The following TRIM62 variants were observed in gnomAD, a reference collection of about 807,000 sequenced individuals.
The protein encoded by TRIM62 is tripartite motif containing 62.
A neutral mutation model predicts 44.2 loss-of-function variants in TRIM62; 39 were observed. That is an observed-to-expected ratio of 0.88 (90% CI 0.68 to 1.15). The LOEUF (loss-of-function observed/expected upper bound fraction) is 1.15, where lower values mean the gene tolerates loss of function less well. Ranked by LOEUF, TRIM62 falls within the 50% of genes most tolerant of loss-of-function variation. The pLI is 0.00. For missense variants in TRIM62, 544 were observed against 665.5 expected, an observed-to-expected ratio of 0.82 and a Z score of 2.01; for synonymous variants, 278 against 292.3, an observed-to-expected ratio of 0.95 and a Z score of 0.50.
At chr1:33,175,034 T>C (rs1258576202) in intron 1 of TRIM62, among the ~76,000 whole-genome samples, 1 of 151,008 alleles carries the variant, frequency 6.6e-6, no homozygotes, top group Non-Finnish European at 1.5e-5. Flanking sequence ...TATATGTTTA[T>C]GTATATGTAT....
chr1:33,170,669 C>T (rs962796520), intron 1 of TRIM62, among the ~76,000 whole-genome samples: 4 of 152,088 alleles, frequency 2.6e-5, no homozygotes, highest in African/African-American at 7.2e-5. Context: ...AAAACCAAAC[C>T]CTAGAGTCCA....
At chr1:33,163,031 T>G (rs575950051) in intron 2 of TRIM62, 1 of 152,228 alleles carries the variant, frequency 6.6e-6, no homozygotes, top group East Asian at 1.9e-4. Flanking sequence ...TTTTGGTTTT[T>G]GTTTTTGTTG....
intron 4 of TRIM62, among the ~76,000 whole-genome samples, chr1:33,148,540 C>T (rs1022695610): frequency 2.6e-5 from 4 of 152,166 alleles, no homozygotes; most frequent in East Asian, 1.9e-4. Flanking sequence ...TTACCTATGA[C>T]GAGAGGACCT....
At chr1:33,176,419 T>G in intron 1 of TRIM62, 1 of 698,108 alleles carries the variant, frequency 1.4e-6, no homozygotes, top group South Asian at 1.5e-5. Context: ...AGGGCTTGCG[T>G]CCAAGGCTGA....
intron 1 of TRIM62, among the ~76,000 whole-genome samples, chr1:33,172,764 C>T (rs1310358484): frequency 1.3e-5 from 2 of 152,158 alleles, no homozygotes; most frequent in Non-Finnish European, 2.9e-5. Flanking sequence ...CAGATCTCTC[C>T]TGCTGTGAGG....
intron 2 of TRIM62, chr1:33,163,263 T>A (rs1249370930): frequency 2.6e-5 from 4 of 152,162 alleles, no homozygotes; most frequent in African/African-American, 9.7e-5. Context: ...GGTCTTGAAC[T>A]CCTGACCTCA....
chr1:33,162,522 A>G (rs895505548), intron 2 of TRIM62, among the ~76,000 whole-genome samples: 1 of 152,124 alleles, frequency 6.6e-6, no homozygotes, highest in Non-Finnish European at 1.5e-5. Context: ...TCGGCTCTGC[A>G]CCCCTGTGCC....
In TRIM62 at chr1:33,158,381, C is replaced by G; in HGVS notation, c.762-13G>C. The G allele has an allele frequency of 6.2e-7, 1 of 1,610,410 alleles. No homozygotes were observed. The highest frequency in any genetic ancestry group is 1.1e-5 in the South Asian group (1 of 91,006). On this transcript the variant is annotated splice_polypyrimidine_tract_variant and intron_variant, in intron 3 of 4. Coordinates refer to ENST00000291416, the MANE Select transcript of TRIM62 (RefSeq NM_018207.3). ...TTTTCCCTTGAGCCTGGAAGGAGAG[C>G]AGGAAAGGGGGCTGCACCAGGGACT...
Position 33,147,101 on chromosome 1 carries a change from C to T in TRIM62, c.*76G>A. ...CCAGTGGCCACGGTGGGCTGGAGTC[C>T]AGGTCTTCTATCTCCTGGGCAGGGC... On this transcript the variant is annotated 3_prime_UTR_variant, in exon 5 of 5. Coordinates refer to ENST00000291416, the MANE Select transcript of TRIM62 (RefSeq NM_018207.3). This position sits in a 1 kb window ranked among gnomAD's most constrained non-coding sequence, Gnocchi z 8.1. 1 of 1,530,700 alleles carries T rather than the reference C, an allele frequency of 6.5e-7. No homozygotes were observed. Among genetic ancestry groups the T allele is most frequent in the Non-Finnish European group, 8.9e-7 (1 of 1,127,810 alleles). The allele number at this position is 1,530,700 out of a possible 1,614,324, so 94.8% of individuals were successfully genotyped here.
chr1:33,154,231 C>T (rs1262518057), intron 4 of TRIM62, among the ~76,000 whole-genome samples: 1 of 150,426 alleles, frequency 6.6e-6, no homozygotes, highest in African/African-American at 2.5e-5. Flanking sequence ...GAGGCTGAGA[C>T]TAAGTTCTGG....
At position 33,177,082 on chromosome 1, in the gene TRIM62, CATGCACAA is replaced by C. The variant is rs1373592112; in HGVS notation, c.408+3935_408+3942del. ...ACACACACATGCACACACACACATG[CATGCACAA>C]ATGCACACACATGCACACACACATG... On this transcript the variant is annotated intron_variant, in intron 1 of 4. Transcript: ENST00000291416. This position sits in a 1 kb window ranked among gnomAD's most constrained non-coding sequence, Gnocchi z 4.1. Among the ~76,000 whole-genome samples the C allele has an allele frequency of 2.5e-4, 38 of 151,262 alleles. No individual in the cohort carries two copies. The highest frequency in any genetic ancestry group is 1.4e-3 in the East Asian group (7 of 5,036).
Position 33,160,632 on chromosome 1 carries a change from T to C in TRIM62, c.505-688A>G, listed in dbSNP as rs866283678. Among the ~76,000 whole-genome samples the C allele has an allele frequency of 2.6e-5, 4 of 152,084 alleles. No homozygotes were observed. In the South Asian group the frequency reaches 8.3e-4, roughly 31 times the overall value. ...GTTGGCCAGGCTGGTCTCAAACACC[T>C]GACGTTAGGTGATCTGCCCACCTTG... On this transcript the variant is annotated intron_variant, in intron 2 of 4. Coordinates refer to ENST00000291416, the MANE Select transcript of TRIM62 (RefSeq NM_018207.3).
Position 33,171,136 on chromosome 1 carries a change from C to T in TRIM62, c.409-5570G>A, listed in dbSNP as rs367685732. Reference sequence around the variant, plus strand: ...CCAAGGGAAGGGACTGACTGGCCCACGGCCACACAGCTTGACACAGGAGAA... The same window carrying T: ...CCAAGGGAAGGGACTGACTGGCCCATGGCCACACAGCTTGACACAGGAGAA... On this transcript the variant is annotated intron_variant, in intron 1 of 4. Coordinates refer to ENST00000291416, the MANE Select transcript of TRIM62 (RefSeq NM_018207.3). 2.1e-3 allele frequency among the ~76,000 whole-genome samples: 323 copies of T among 152,292 alleles called. 1 individual carries two copies. The highest frequency in any genetic ancestry group is 0.02 in the South Asian group (96 of 4,830).
In TRIM62 at chr1:33,181,121, G is replaced by A. The variant is rs752386746; in HGVS notation, c.312C>T (p.Leu104=). 1 of 1,600,592 alleles carries A rather than the reference G, an allele frequency of 6.2e-7. No homozygotes were observed. Among genetic ancestry groups the A allele is most frequent in the Non-Finnish European group, 8.5e-7 (1 of 1,178,804 alleles). Residue 104 remains leucine, a synonymous_variant, in exon 1 of 5, where the codon CTC becomes CTT. Coordinates refer to ENST00000291416, the MANE Select transcript of TRIM62 (RefSeq NM_018207.3). The surrounding 1 kb of genome is among the most constrained non-coding windows in gnomAD (Gnocchi z 6.5). The stretch of plus-strand genomic sequence containing the variant: ...AGAAGCAGAGAAGCGCGCGGTCCGT[G>A]AGGCAGAAGAGCTTGACCTTGTCGT... ...QAHDKVKLFC[L]TDRALLCFFC...
intron 4 of TRIM62, among the ~76,000 whole-genome samples, chr1:33,150,286 G>A (rs940057342): frequency 6.6e-6 from 1 of 151,920 alleles, no homozygotes; most frequent in Non-Finnish European, 1.5e-5. Flanking sequence ...TGCTTGGCTG[G>A]AGCATTCTCC....
chr1:33,180,987 C>T (rs749912609), intron 1 of TRIM62, 38 bp downstream of exon 1: 2 of 1,410,638 alleles, frequency 1.4e-6, no homozygotes, highest in African/African-American at 1.4e-5. Flanking sequence ...ACCTCCAGCC[C>T]GGCCCCGCCC....
In TRIM62 at chr1:33,174,945, G is replaced by GTGTGTA. The variant is rs1172648170; in HGVS notation, c.408+6079_408+6080insTACACA. Among the ~76,000 whole-genome samples, 197 of 141,736 alleles carry GTGTGTA rather than the reference G, an allele frequency of 1.4e-3. 1 individual carries two copies. The highest frequency in any genetic ancestry group is 5.3e-3 in the African/African-American group (192 of 36,520). 93.0% of individuals were successfully genotyped at this position (141,736 alleles called of 152,430 possible). On this transcript the variant is annotated intron_variant, in intron 1 of 4. Coordinates refer to ENST00000291416, the MANE Select transcript of TRIM62 (RefSeq NM_018207.3). ...CACACACACACATACATATATGTGT[G>GTGTGTA]TATATATATATATATATATATATAC...
At chr1:33,180,917 G>A (rs1455114050) in intron 1 of TRIM62, 108 bp downstream of exon 1, 2 of 691,188 alleles carry the variant, frequency 2.9e-6, no homozygotes, top group African/African-American at 2.0e-5. Context: ...CCCGCCCCAG[G>A]ACCATTCTGA....
chr1:33,174,999 ATG>A (rs1557762523), intron 1 of TRIM62, among the ~76,000 whole-genome samples: 1 of 39,620 alleles, frequency 2.5e-5, no homozygotes, highest in Non-Finnish European at 5.0e-5. Flanking sequence ...GCACACACAC[ATG>A]TATGTATATG....
Sources: allele counts gnomAD v4.1 joint callset (sites outside exome capture counted in the v4.1 genomes callset), GRCh38; gene constraint gnomAD v4.1.1; non-coding constraint Gnocchi (gnomAD v3.1); transcripts MANE v1.5; gene names NCBI Gene and HGNC (gene_info 2026-07-23, HGNC 2026-07-21).